Variants in SPOCK1 observed in about 807,000 individuals in gnomAD.
The protein encoded by SPOCK1 is testican-1.
A neutral mutation model predicts 55.3 loss-of-function variants in SPOCK1; 23 were observed. The ratio of observed to expected loss-of-function variants is 0.42; its 90% CI spans 0.30 to 0.59. SPOCK1 has a LOEUF of 0.59. Among genes scored for constraint, SPOCK1 ranks in the 20% least tolerant of loss-of-function variants. SPOCK1 has a pLI of 0.22. For missense variants in SPOCK1, 499 were observed against 552.5 expected (o/e 0.90, Z 0.97); for synonymous variants, 226 against 221.0 (o/e 1.02, Z -0.20).
chr5:137,123,918 C>T (rs1323695977), intron 4 of SPOCK1, among the ~76,000 whole-genome samples: 1 of 152,126 alleles, frequency 6.6e-6, no homozygotes, highest in South Asian at 2.1e-4. Context: ...AAATACCCAC[C>T]AGAAATGTTG....
At chr5:137,223,792 T>C (rs1373831737) in intron 3 of SPOCK1, among the ~76,000 whole-genome samples, 2 of 152,052 alleles carry the variant, frequency 1.3e-5, no homozygotes, top group African/African-American at 4.8e-5. Context: ...GAGTTCAGAA[T>C]GTCTGCCTAC....
intron 6 of SPOCK1, among the ~76,000 whole-genome samples, chr5:137,052,882 AT>A (rs1054976201): frequency 6.7e-6 from 1 of 149,914 alleles, no homozygotes; most frequent in Non-Finnish European, 1.5e-5. Flanking sequence ...TATAACTCCT[AT>A]TTTTTTTTAA....
intron 3 of SPOCK1, among the ~76,000 whole-genome samples, chr5:137,259,489 G>C (rs1756704379): frequency 6.6e-6 from 1 of 152,092 alleles, no homozygotes; most frequent in Non-Finnish European, 1.5e-5. Flanking sequence ...GGGCCTGTTG[G>C]GGGATGGGGA....
intron 5 of SPOCK1, among the ~76,000 whole-genome samples, chr5:137,111,042 A>G (rs1012024966): frequency 2.6e-5 from 4 of 152,166 alleles, no homozygotes; most frequent in Non-Finnish European, 5.9e-5. Context: ...GGACAAAATC[A>G]TAAGGATATA....
chr5:137,383,225 T>C (rs1175413171), intron 2 of SPOCK1, among the ~76,000 whole-genome samples: 1 of 152,152 alleles, frequency 6.6e-6, no homozygotes, highest in African/African-American at 2.4e-5. Flanking sequence ...GATACTTAAG[T>C]TTAAGAAAAT....
intron 5 of SPOCK1, among the ~76,000 whole-genome samples, chr5:137,097,567 A>T (rs1753176906): frequency 6.6e-6 from 1 of 152,158 alleles, no homozygotes; most frequent in Non-Finnish European, 1.5e-5. Flanking sequence ...TGGAATGGGG[A>T]TAAGGGGATG....
rs1306990197 is a variant in SPOCK1 at position 137,332,393 on chromosome 5, G to A, written c.187-65338C>T. 5.3e-5 allele frequency among the ~76,000 whole-genome samples: 8 copies of A among 152,016 alleles called. No homozygotes were observed. In the East Asian group the frequency reaches 9.6e-4, roughly 18 times the overall value. On this transcript the variant is annotated intron_variant, in intron 2 of 10. Transcript: ENST00000394945. Reference sequence around the variant, plus strand: ...TTCATCGCTCATCTTCTCCCACCCCGAGAACTCTGTGTGCTTCATCCACCA... The same window carrying A: ...TTCATCGCTCATCTTCTCCCACCCCAAGAACTCTGTGTGCTTCATCCACCA...
At chr5:137,359,324 G>C (rs1003382202) in intron 2 of SPOCK1, among the ~76,000 whole-genome samples, 2 of 152,162 alleles carry the variant, frequency 1.3e-5, no homozygotes, top group African/African-American at 4.8e-5. Flanking sequence ...GGGAAGGTGA[G>C]CAAGATACAA....
At chr5:137,452,992 T>C (rs1753288727) in intron 2 of SPOCK1, among the ~76,000 whole-genome samples, 1 of 152,190 alleles carries the variant, frequency 6.6e-6, no homozygotes, top group African/African-American at 2.4e-5. Flanking sequence ...TTCAAGTCCA[T>C]GAATCTGAGT....
intron 4 of SPOCK1, among the ~76,000 whole-genome samples, chr5:137,128,605 A>G (rs377601249): frequency 1.3e-5 from 2 of 152,354 alleles, no homozygotes; most frequent in East Asian, 3.9e-4. Context: ...TTGAGGGCAG[A>G]GTGGCTCTTA....
intron 2 of SPOCK1, among the ~76,000 whole-genome samples, chr5:137,348,483 G>T (rs1750608957): frequency 6.6e-6 from 1 of 151,276 alleles, no homozygotes; most frequent in Non-Finnish European, 1.5e-5. Context: ...TGGGGGTGGG[G>T]GTGCGGCAGG....
intron 2 of SPOCK1, among the ~76,000 whole-genome samples, chr5:137,476,058 T>A (rs921999479): frequency 6.6e-6 from 1 of 151,770 alleles, no homozygotes; most frequent in Non-Finnish European, 1.5e-5. Context: ...AACTTTTAAG[T>A]TCAAGGGTAC....
intron 3 of SPOCK1, among the ~76,000 whole-genome samples, chr5:137,236,680 G>A (rs770907131): frequency 1.3e-5 from 2 of 152,156 alleles, no homozygotes; most frequent in Non-Finnish European, 2.9e-5. Flanking sequence ...CTGGATTGGG[G>A]AGGGAATGGT....
intron 2 of SPOCK1, among the ~76,000 whole-genome samples, chr5:137,374,993 C>T (rs892176552): frequency 3.3e-5 from 5 of 152,140 alleles, no homozygotes; most frequent in African/African-American, 1.2e-4. Flanking sequence ...CACTCTCCCC[C>T]ATCTCAGTTG....
chr5:137,191,024 T>C (rs1033303584), intron 3 of SPOCK1, among the ~76,000 whole-genome samples: 18 of 152,222 alleles, frequency 1.2e-4, no homozygotes, highest in Non-Finnish European at 1.9e-4. Context: ...TGTCTACCCT[T>C]TGTATCTGGG....
chr5:137,127,639 G>A (rs935026920), intron 4 of SPOCK1, among the ~76,000 whole-genome samples: 1 of 152,228 alleles, frequency 6.6e-6, no homozygotes, highest in African/African-American at 2.4e-5. Context: ...ACTATTTGCC[G>A]TTTTGAAGTT....
At chr5:137,488,775 C>T (rs1754114867) in intron 2 of SPOCK1, among the ~76,000 whole-genome samples, 1 of 152,188 alleles carries the variant, frequency 6.6e-6, no homozygotes, top group Admixed American at 6.5e-5. Context: ...CGCCGACGGA[C>T]TTTGCATAAA....
intron 6 of SPOCK1, among the ~76,000 whole-genome samples, chr5:137,020,495 C>T (rs2126979742): frequency 6.6e-6 from 1 of 151,908 alleles, no homozygotes; most frequent in East Asian, 1.9e-4. Context: ...ATGTTTATGA[C>T]TTCAAGGTCG....
chr5:137,341,107 A>T (rs1229737), intron 2 of SPOCK1, among the ~76,000 whole-genome samples: 31,699 of 152,066 alleles, frequency 0.21, 3,358 homozygotes, highest in East Asian at 0.26. Context: ...GTCTCTATTC[A>T]TGTACTCGCT....
Sources: gnomAD v4.1 joint callset for allele counts (sites outside exome capture counted in the v4.1 genomes callset) on GRCh38, gnomAD v4.1.1 for gene constraint, MANE v1.5 for transcripts, NCBI Gene and HGNC (gene_info 2026-07-23, HGNC 2026-07-21) for gene names.